CLRN3: variants seen among roughly 807,000 people sequenced by gnomAD.
CLRN3 encodes the protein clarin 3.
CLRN3 carries 12 observed loss-of-function variants against 16.7 expected under a neutral mutation model. That is an observed-to-expected ratio of 0.72 (90% confidence interval 0.46 to 1.16). The LOEUF is 1.16. CLRN3 is among the 50% of genes most tolerant of loss of function. The pLI is 0.00. For missense variants in CLRN3, 296 were observed against 274.2 expected (o/e 1.08, Z -0.56); for synonymous variants, 118 against 113.0 (o/e 1.04, Z -0.28).
intron 2 of CLRN3, among the ~76,000 whole-genome samples, chr10:127,882,788 G>A (rs925434991): frequency 3.3e-5 from 5 of 152,204 alleles, no homozygotes; most frequent in African/African-American, 1.2e-4. Flanking sequence ...GAGCTTACAT[G>A]AAGCCACCTC....
In CLRN3 at chr10:127,882,972, C is replaced by G. The variant is rs1013535039; in HGVS notation, c.409+724G>C. On this transcript the variant is annotated intron_variant, in intron 2 of 2. Coordinates refer to ENST00000368671, the MANE Select transcript of CLRN3 (RefSeq NM_152311.5). ...TCTGGGCAGATGGGCAGCTGCAGAGCCCTGGAAAAACCCAGTGAAAGCCAG... is the reference window on the plus strand; with the variant it reads ...TCTGGGCAGATGGGCAGCTGCAGAGGCCTGGAAAAACCCAGTGAAAGCCAG... 5.9e-5 allele frequency among the ~76,000 whole-genome samples: 9 copies of G among 152,182 alleles called. No homozygotes were observed. In the South Asian group the frequency reaches 1.9e-3, roughly 31 times the overall value.
intron 1 of CLRN3, among the ~76,000 whole-genome samples, chr10:127,890,874 C>A (rs1845250147): frequency 6.6e-6 from 1 of 152,194 alleles, no homozygotes; most frequent in Non-Finnish European, 1.5e-5. Context: ...GCGATTATTA[C>A]AATCATTGGC....
chr10:127,881,017 A>G (rs997505166), intron 2 of CLRN3, among the ~76,000 whole-genome samples: 3 of 152,094 alleles, frequency 2.0e-5, no homozygotes, highest in Non-Finnish European at 4.4e-5. Context: ...GGAACCCCCA[A>G]AGGGCTACTT....
At chr10:127,887,388 T>C (rs900344986) in intron 1 of CLRN3, among the ~76,000 whole-genome samples, 1 of 152,118 alleles carries the variant, frequency 6.6e-6, no homozygotes, top group African/African-American at 2.4e-5. Context: ...TTGCAGTATT[T>C]TTCTGCTTTA....
At chr10:127,885,010 CTCTT>C (rs1181690462) in intron 1 of CLRN3, among the ~76,000 whole-genome samples, 1 of 152,240 alleles carries the variant, frequency 6.6e-6, no homozygotes, top group Non-Finnish European at 1.5e-5. Flanking sequence ...AAGTGAAAGG[CTCTT>C]TGTTTCCGTT....
intron 2 of CLRN3, among the ~76,000 whole-genome samples, chr10:127,883,270 ATGTGTGTG>A (rs5788877): frequency 1.3e-5 from 2 of 151,156 alleles, no homozygotes; most frequent in Non-Finnish European, 3.0e-5. Flanking sequence ...TGGTGTGTTC[ATGTGTGTG>A]TGTGTGTGTG....
At chr10:127,886,898 A>T (rs1302700058) in intron 1 of CLRN3, among the ~76,000 whole-genome samples, 1 of 151,848 alleles carries the variant, frequency 6.6e-6, no homozygotes, top group African/African-American at 2.4e-5. Flanking sequence ...ATCCCAGGGA[A>T]GGGCTCTAGC....
chr10:127,882,829 C>T (rs1442746036), intron 2 of CLRN3, among the ~76,000 whole-genome samples: 1 of 152,212 alleles, frequency 6.6e-6, no homozygotes, highest in Non-Finnish European at 1.5e-5. Context: ...AGGCTTCATT[C>T]CCAAGGTCCA....
At chr10:127,890,165 C>T (rs1335436120) in intron 1 of CLRN3, among the ~76,000 whole-genome samples, 1 of 152,242 alleles carries the variant, frequency 6.6e-6, no homozygotes, top group Non-Finnish European at 1.5e-5. Context: ...CTTATACATG[C>T]AGCAGCTGCT....
chr10:127,892,701 A>G lies in CLRN3; in HGVS notation c.84T>C (p.Leu28=). 6.2e-7 allele frequency: 1 copy of G among 1,613,488 alleles called. No homozygotes were observed. The highest frequency in any genetic ancestry group is 1.1e-5 in the South Asian group (1 of 91,064). ...TACTGGTGATCCATGCTTGTGTCCC[A>G]AGAATAGAGCAAATTACAATGAAGG... ...LGSFIVICSI[L]GTQAWITSTI... The change falls in exon 1 of 3, where the codon CTT becomes CTC. Residue 28 remains leucine, a synonymous_variant. Coordinates refer to ENST00000368671, the MANE Select transcript of CLRN3 (RefSeq NM_152311.5).
Position 127,884,918 on chromosome 10 carries a change from C to T in CLRN3, c.230-1043G>A, listed in dbSNP as rs562687032. ...GGATGTTCCATGAAAGTCACCAGGA[C>T]ATGGGAGAAAGGGATTAGGGAGAAG... On this transcript the variant is annotated intron_variant, in intron 1 of 2. Transcript: ENST00000368671. Among the ~76,000 whole-genome samples, 254 of 152,302 alleles carry T rather than the reference C, an allele frequency of 1.7e-3. 3 individuals are homozygous for T. Among genetic ancestry groups the T allele is most frequent in the African/African-American group, 5.8e-3 (240 of 41,564 alleles).
At chr10:127,890,841 C>A (rs565296507) in intron 1 of CLRN3, among the ~76,000 whole-genome samples, 1 of 152,314 alleles carries the variant, frequency 6.6e-6, no homozygotes, top group East Asian at 1.9e-4. Context: ...TCTGAGAGAA[C>A]TGCTTACAGG....
chr10:127,884,432 GA>G lies in CLRN3; in HGVS notation c.230-558del, dbSNP rs915426699. Among the ~76,000 whole-genome samples, 8 of 152,352 alleles carry G rather than the reference GA, an allele frequency of 5.3e-5. No individual in the cohort carries two copies. In the South Asian group the frequency reaches 1.7e-3, roughly 32 times the overall value. On this transcript the variant is annotated intron_variant, in intron 1 of 2. Coordinates refer to ENST00000368671, the MANE Select transcript of CLRN3 (RefSeq NM_152311.5). ...AAGTGGAAGCTGAAGGCTGACATAA[GA>G]AAATGACTTCTGTTGGTGCAAATCG...
At chr10:127,884,001 G>C (rs1845163201) in intron 1 of CLRN3, 126 bp from the exon 2 acceptor site, 1 of 852,330 alleles carries the variant, frequency 1.2e-6, no homozygotes, top group Non-Finnish European at 1.9e-6. Flanking sequence ...AGAGATACCA[G>C]GAGCCTCCAA....
At chr10:127,885,483 A>G (rs7077238) in intron 1 of CLRN3, among the ~76,000 whole-genome samples, 88,342 of 152,074 alleles carry the variant, frequency 0.58, 26,974 homozygotes, top group African/African-American at 0.76. Context: ...AACAGCCCAC[A>G]TTTCTGGAGT....
chr10:127,891,767 G>T (rs1167392160), intron 1 of CLRN3, among the ~76,000 whole-genome samples: 6 of 152,154 alleles, frequency 3.9e-5, no homozygotes, highest in Admixed American at 3.9e-4. Context: ...AAGTCAAAAG[G>T]TAATGACTGT....
chr10:127,878,517 T>G, intron 2 of CLRN3, 97 bp from the exon 3 acceptor site: 1 of 1,502,174 alleles, frequency 6.7e-7, no homozygotes, highest in South Asian at 1.3e-5. Context: ...GTATTGCATA[T>G]CTACACAGGA....
At position 127,883,693 on chromosome 10, in the gene CLRN3, C is replaced by T; in HGVS notation, c.409+3G>A. The T allele has an allele frequency of 3.7e-6, 6 of 1,608,174 alleles. No homozygotes were observed. Among genetic ancestry groups the T allele is most frequent in the Non-Finnish European group, 5.1e-6 (6 of 1,174,776 alleles). ...GAGCACCGAGTCTCACAGGGCCACT[C>T]ACCACCGAGCCCGTTCCAGGTGTAC... On this transcript the variant is annotated splice_donor_region_variant and intron_variant, in intron 2 of 2. Coordinates refer to ENST00000368671, the MANE Select transcript of CLRN3 (RefSeq NM_152311.5).
chr10:127,886,390 G>A (rs995196365), intron 1 of CLRN3, among the ~76,000 whole-genome samples: 1 of 152,210 alleles, frequency 6.6e-6, no homozygotes. Context: ...TTGCAATCAG[G>A]TGCCTGAGAA....
Sources: gnomAD v4.1 joint callset for allele counts (sites outside exome capture counted in the v4.1 genomes callset) on GRCh38, gnomAD v4.1.1 for gene constraint, MANE v1.5 for transcripts, NCBI Gene and HGNC (gene_info 2026-07-23, HGNC 2026-07-21) for gene names.